MYH2: variants seen among roughly 807,000 people sequenced by gnomAD.
MYH2 encodes myosin-2.
MYH2 carries 139 observed loss-of-function variants against 228.1 expected under a neutral mutation model. The observed-to-expected ratio is 0.61, with a 90% CI of 0.53 to 0.70. The LOEUF (loss-of-function observed/expected upper bound fraction) is 0.70, where lower values mean the gene tolerates loss of function less well. Ranked by LOEUF, MYH2 falls within the 30% of genes least tolerant of loss-of-function variation. The pLI is 0.00. For synonymous variants in MYH2, 796 were observed against 871.1 expected, an observed-to-expected ratio of 0.91 and a Z score of 1.52; for missense variants, 1,809 against 2,357.5, an observed-to-expected ratio of 0.77 and a Z score of 4.82.
chr17:10,529,258 A>G lies in MYH2; in HGVS notation c.3264-6T>C, dbSNP rs1567729982. ...TGCTGATTTCAAACTCTTTCCTTTT[A>G]GAAAAGTAGCAAAGGACAACAATTT... On this transcript the variant is annotated splice_region_variant and splice_polypyrimidine_tract_variant and intron_variant, in intron 25 of 39. Transcript: ENST00000245503. 6.2e-7 allele frequency: 1 copy of G among 1,614,210 alleles called. No homozygotes were observed. The highest frequency in any genetic ancestry group is 1.6e-4 in the Middle Eastern group (1 of 6,062).
rs553033568 is a variant in MYH2, at chr17:10,521,547, T to C, written c.5674-115A>G. 2.0e-5 allele frequency: 18 copies of C among 902,046 alleles called. No individual in the cohort carries two copies. The East Asian group carries it at 2.8e-4, about 14-fold the overall frequency. 55.9% of individuals were successfully genotyped at this position (902,046 alleles called of 1,614,324 possible). On this transcript the variant is annotated intron_variant, in intron 39 of 39. Coordinates refer to ENST00000245503, the MANE Select transcript of MYH2 (RefSeq NM_017534.6). ...GAGAAGCAACATCTAGGGATTATCA[T>C]TGAAATTAATTTTAAGATTTGTTTA...
At chr17:10,548,159 G>T (rs200895533) in intron 2 of MYH2, among the ~76,000 whole-genome samples, 1 of 152,102 alleles carries the variant, frequency 6.6e-6, no homozygotes, top group East Asian at 1.9e-4. Flanking sequence ...TGCATCCACT[G>T]TCTTATTTCA....
At position 10,527,013 on chromosome 17, in the gene MYH2, A is replaced by T. The variant is rs1139441; in HGVS notation, c.3915T>A (p.Ser1305=). 6.2e-7 allele frequency: 1 copy of T among 1,614,056 alleles called. No homozygotes were observed. Among genetic ancestry groups the T allele is most frequent in the Non-Finnish European group, 8.5e-7 (1 of 1,180,032 alleles). ...AGGCTTGTTTGCCTCTTGATAACTG[A>T]GACACCAGAGCTTCCTTTTCATCAA... ...RQLDEKEALV[S]QLSRGKQAFT... The change falls in exon 29 of 40, where the codon TCT becomes TCA. Residue 1305 remains serine, a synonymous_variant. Coordinates refer to ENST00000245503, the MANE Select transcript of MYH2 (RefSeq NM_017534.6).
rs771160529 is a variant in MYH2, at chr17:10,529,326, T to A, written c.3263+10A>T. On this transcript the variant is annotated intron_variant, in intron 25 of 39. Transcript: ENST00000245503. ...GGAAGCAAATCCATAAGCAATTCTT[T>A]CTTACTTACTTTTTGAGCTTTTCAT... 1.2e-5 allele frequency: 20 copies of A among 1,613,584 alleles called. No individual in the cohort carries two copies. The Admixed American group carries it at 3.3e-4, about 27-fold the overall frequency.
In MYH2 at chr17:10,525,651, C is replaced by T; in HGVS notation, c.4372-35G>A. ...CAAGACCTGTTACCTGCTGCAAAGA[C>T]AAAAGAGTAGAGTAAAGAGCAGAAG... On this transcript the variant is annotated intron_variant, in intron 31 of 39. Transcript: ENST00000245503. This position sits in a 1 kb window ranked among gnomAD's most constrained non-coding sequence, Gnocchi z 4.2. 4.3e-6 allele frequency: 7 copies of T among 1,614,164 alleles called. No homozygotes were observed. The highest frequency in any genetic ancestry group is 5.9e-6 in the Non-Finnish European group (7 of 1,180,034).
intron 4 of MYH2, among the ~76,000 whole-genome samples, chr17:10,546,951 C>T (rs956041191): frequency 1.3e-5 from 2 of 150,350 alleles, no homozygotes; most frequent in Non-Finnish European, 3.0e-5. Flanking sequence ...AATAGCCGGG[C>T]ATGGTGGCAC....
rs143010809 is a variant in MYH2 at position 10,531,220 on chromosome 17, T to C, written c.2697+413A>G. ...GATGAGAGTGCTGTCATATGTCAGC[T>C]GTTCCTATTATAATTTAAGACCCGT... is the stretch of plus-strand genomic sequence containing the variant. On this transcript the variant is annotated intron_variant, in intron 22 of 39. Transcript: ENST00000245503. 3.4e-3 allele frequency among the ~76,000 whole-genome samples: 513 copies of C among 152,358 alleles called. 3 individuals carry two copies. The highest frequency in any genetic ancestry group is 0.012 in the African/African-American group (479 of 41,582).
At chr17:10,529,777 G>A (rs776567980) in intron 23 of MYH2, 37 bp from the exon 24 acceptor site, 1 of 1,614,060 alleles carries the variant, frequency 6.2e-7, no homozygotes, top group East Asian at 2.2e-5. Flanking sequence ...TTGCTATAAA[G>A]CACCTTTGTT....
At position 10,531,627 on chromosome 17, in the gene MYH2, A is replaced by T; in HGVS notation, c.2697+6T>A. ...TAGTGATACCAAGGGTGATATTCCA[A>T]CTCACAGCCTGAACTTGGAGCTGCA... On this transcript the variant is annotated splice_donor_region_variant and intron_variant, in intron 22 of 39. Transcript: ENST00000245503. 1.2e-6 allele frequency: 2 copies of T among 1,614,152 alleles called. No individual in the cohort carries two copies. The highest frequency in any genetic ancestry group is 1.7e-6 in the Non-Finnish European group (2 of 1,180,012).
rs574700309 is a variant in MYH2, at chr17:10,537,021, G to A, written c.1897+212C>T. Among the ~76,000 whole-genome samples, 45 of 152,286 alleles carry A rather than the reference G, an allele frequency of 3.0e-4. No individual in the cohort carries two copies. The East Asian group carries it at 7.3e-3, about 25-fold the overall frequency. On this transcript the variant is annotated intron_variant, in intron 16 of 39. Coordinates refer to ENST00000245503, the MANE Select transcript of MYH2 (RefSeq NM_017534.6). The surrounding 1 kb of genome is among the most constrained non-coding windows in gnomAD (Gnocchi z 4.0). ...AGCTGAGGCTTTTCATTGGTTGAGAGCCTGATAATCCTCTCTGACTCTGCA... is the reference window on the plus strand; with the variant it reads ...AGCTGAGGCTTTTCATTGGTTGAGAACCTGATAATCCTCTCTGACTCTGCA...
chr17:10,522,993 G>A, intron 39 of MYH2, 97 bp downstream of exon 39: 2 of 789,672 alleles, frequency 2.5e-6, no homozygotes, highest in Non-Finnish European at 4.4e-6. Flanking sequence ...TGTTAAATAT[G>A]CATGCAGTAG....
At chr17:10,538,689 T>C (rs943242205) in intron 14 of MYH2, among the ~76,000 whole-genome samples, 2 of 151,310 alleles carry the variant, frequency 1.3e-5, no homozygotes, top group African/African-American at 4.9e-5. Context: ...TATATATAAA[T>C]AGTAGAATTA....
chr17:10,523,068 C>G (rs778278378), intron 39 of MYH2, 22 bp downstream of exon 39: 1 of 1,558,530 alleles, frequency 6.4e-7, no homozygotes, highest in African/African-American at 1.4e-5. Context: ...AATTTGAGGA[C>G]TTCAATCTTA....
rs1343512692 is a variant in MYH2 at position 10,529,581 on chromosome 17, C to T, written c.3100G>A (p.Glu1034Lys). 6.2e-7 allele frequency: 1 copy of T among 1,614,118 alleles called. No homozygotes were observed. The highest frequency in any genetic ancestry group is 1.1e-5 in the South Asian group (1 of 91,072). ...AGACTTACATCATCCACTTGTTGTT[C>T]AAGTTTGATTTTAGCTTTGGTCAGG... ...NTLTKAKIKL[E>K]QQVDDLEGSL... is the part of the protein sequence containing the mutation. Residue 1034 changes from glutamate (E) to lysine (K), a missense_variant, in exon 24 of 40, where the codon GAA becomes AAA. Glu to Lys is a moderately conservative substitution (Grantham distance 56). Coordinates refer to ENST00000245503, the MANE Select transcript of MYH2 (RefSeq NM_017534.6).
In MYH2 at chr17:10,543,889, C is replaced by A. The variant is rs2073591559; in HGVS notation, c.648+13G>T. 4 of 1,614,064 alleles carry A rather than the reference C, an allele frequency of 2.5e-6. No homozygotes were observed. Among genetic ancestry groups the A allele is most frequent in the African/African-American group, 2.7e-5 (2 of 74,934 alleles). On this transcript the variant is annotated intron_variant, in intron 7 of 39. Coordinates refer to ENST00000245503, the MANE Select transcript of MYH2 (RefSeq NM_017534.6). Reference sequence around the variant, plus strand: ...GACAGAGTCTGGATTCTGACTGTGACAATCAGACTCACCTGTATTTTGCCA... The same window carrying A: ...GACAGAGTCTGGATTCTGACTGTGAAAATCAGACTCACCTGTATTTTGCCA...
chr17:10,545,397 G>A lies in MYH2; in HGVS notation c.454C>T (p.Pro152Ser). The stretch of plus-strand genomic sequence containing the variant: ...TCAGAGATGGAGAAGATGTGGGGCG[G>A]GGCCTCCTGGCGCTTTTTGCCTCGG... ...AYRGKKRQEAPPHIFSISDNA... is the reference protein window; with the variant it reads ...AYRGKKRQEASPHIFSISDNA... The change falls in exon 5 of 40, where the codon CCG becomes TCG. Residue 152 changes from proline (P) to serine (S), a missense_variant. Pro to Ser is a moderately conservative substitution (Grantham distance 74). Around this residue, in one of 9 missense-constraint regions of MYH2, gnomAD observed 373 missense variants for 620.4 expected, o/e 0.60. Coordinates refer to ENST00000245503, the MANE Select transcript of MYH2 (RefSeq NM_017534.6). 1 of 1,614,066 alleles carries A rather than the reference G, an allele frequency of 6.2e-7. No homozygotes were observed. Among genetic ancestry groups the A allele is most frequent in the Non-Finnish European group, 8.5e-7 (1 of 1,180,010 alleles).
intron 4 of MYH2, among the ~76,000 whole-genome samples, chr17:10,547,033 G>A (rs966459086): frequency 6.6e-6 from 1 of 151,998 alleles, no homozygotes; most frequent in African/African-American, 2.4e-5. Context: ...AGAGGTTGCA[G>A]TGAGCCGAGA....
chr17:10,523,986 A>C (rs1186474791), intron 35 of MYH2, 102 bp from the exon 36 acceptor site: 4 of 1,105,404 alleles, frequency 3.6e-6, no homozygotes, highest in African/African-American at 3.2e-5. Context: ...CAAGTCAAAA[A>C]ATGCCTTTTA....
intron 10 of MYH2, among the ~76,000 whole-genome samples, chr17:10,541,160 A>G (rs1340111745): frequency 6.6e-6 from 1 of 152,192 alleles, no homozygotes. Flanking sequence ...GAACAGGATA[A>G]CAGCGGTGTT....
Sources: gnomAD v4.1 joint callset for allele counts (sites outside exome capture counted in the v4.1 genomes callset) on GRCh38, gnomAD v4.1.1 for gene constraint, gnomAD v4.1.1 regional missense constraint, Gnocchi (gnomAD v3.1) non-coding constraint, MANE v1.5 for transcripts, NCBI Gene and HGNC (gene_info 2026-07-23, HGNC 2026-07-21) for gene names.